The following ATP6V0D2 variants were observed in gnomAD, a reference collection of about 807,000 sequenced individuals.
ATP6V0D2 encodes the protein ATPase H+ transporting V0 subunit d2, also known as V-type proton ATPase subunit d 2.
Under a neutral mutation model 40.0 loss-of-function variants are expected in ATP6V0D2, and 40 were observed. The observed-to-expected ratio is 1.00, with a 90% CI of 0.78 to 1.30. The LOEUF (loss-of-function observed/expected upper bound fraction) is 1.30. ATP6V0D2 is among the 50% of genes most tolerant of loss of function. The pLI is 0.00. For missense variants in ATP6V0D2, 470 were observed against 423.1 expected (o/e 1.11, Z -0.97); for synonymous variants, 179 against 156.3 (o/e 1.15, Z -1.08).
At chr8:86,125,395 TC>T (rs1198170176) in intron 2 of ATP6V0D2, among the ~76,000 whole-genome samples, 1 of 152,188 alleles carries the variant, frequency 6.6e-6, no homozygotes, top group African/African-American at 2.4e-5. Flanking sequence ...GAGACTGAAA[TC>T]CACACTTATC....
chr8:86,135,098 G>A, intron 2 of ATP6V0D2, among the ~76,000 whole-genome samples: 1 of 152,178 alleles, frequency 6.6e-6, no homozygotes, highest in African/African-American at 2.4e-5. Context: ...ACTGAACTGT[G>A]TTTTTCTTAG....
intron 2 of ATP6V0D2, among the ~76,000 whole-genome samples, chr8:86,131,332 TG>T (rs1329845523): frequency 6.6e-6 from 1 of 152,042 alleles, no homozygotes; most frequent in Non-Finnish European, 1.5e-5. Context: ...CCCCAGTAGC[TG>T]GGCCTACAGG....
chr8:86,129,572 G>A (rs939912149), intron 2 of ATP6V0D2, among the ~76,000 whole-genome samples: 1 of 152,122 alleles, frequency 6.6e-6, no homozygotes, highest in Non-Finnish European at 1.5e-5. Flanking sequence ...TGCACTTTGG[G>A]AGGCCGAGGC....
rs147330492 is a variant in ATP6V0D2 at position 86,125,757 on chromosome 8, C to A, written c.302+11877C>A. Among the ~76,000 whole-genome samples the A allele has an allele frequency of 3.3e-5, 5 of 152,024 alleles. No homozygotes were observed. The East Asian group carries it at 9.7e-4, about 29-fold the overall frequency. ...ATATGTGCATGTGTTTATATTTAAA[C>A]ACAAATATAAATATGCATAGTTGGG... On this transcript the variant is annotated intron_variant, in intron 2 of 7. Coordinates refer to ENST00000285393, the MANE Select transcript of ATP6V0D2 (RefSeq NM_152565.1).
intron 5 of ATP6V0D2, among the ~76,000 whole-genome samples, chr8:86,149,097 G>T (rs1819110398): frequency 1.4e-5 from 2 of 142,580 alleles, no homozygotes; most frequent in Admixed American, 1.4e-4. Flanking sequence ...GAAAGACATG[G>T]TTCTTCAAAG....
intron 3 of ATP6V0D2, among the ~76,000 whole-genome samples, chr8:86,141,043 G>T (rs1359969443): frequency 6.6e-6 from 1 of 152,090 alleles, no homozygotes; most frequent in Non-Finnish European, 1.5e-5. Context: ...TCATAATAGG[G>T]TTTGCTCTCC....
At chr8:86,148,429 G>A (rs73691704) in intron 5 of ATP6V0D2, among the ~76,000 whole-genome samples, 2,311 of 152,226 alleles carry the variant, frequency 0.015, 74 homozygotes, top group African/African-American at 0.052. Flanking sequence ...TCTTACATAG[G>A]ATTTCCAGTG....
chr8:86,144,689 G>A (rs1486199146), intron 5 of ATP6V0D2, among the ~76,000 whole-genome samples: 1 of 151,914 alleles, frequency 6.6e-6, no homozygotes, highest in Non-Finnish European at 1.5e-5. Flanking sequence ...TTTGAGACAG[G>A]GTCTCACTCT....
At chr8:86,131,556 A>G (rs1479576566) in intron 2 of ATP6V0D2, among the ~76,000 whole-genome samples, 2 of 151,932 alleles carry the variant, frequency 1.3e-5, no homozygotes, top group Non-Finnish European at 2.9e-5. Flanking sequence ...GCTGGAGTGC[A>G]GTGATGCGAT....
At chr8:86,103,529 G>A (rs1318109915) in intron 1 of ATP6V0D2, among the ~76,000 whole-genome samples, 1 of 152,018 alleles carries the variant, frequency 6.6e-6, no homozygotes, top group African/African-American at 2.4e-5. Context: ...AGGGGCTTGA[G>A]CTTCAGAGCT....
Position 86,113,691 on chromosome 8 carries a change from G to A in ATP6V0D2, c.131-18G>A. The A allele has an allele frequency of 2.5e-6, 4 of 1,577,336 alleles. No individual in the cohort carries two copies. The highest frequency in any genetic ancestry group is 1.2e-5 in the South Asian group (1 of 85,020). On this transcript the variant is annotated intron_variant, in intron 1 of 7. Coordinates refer to ENST00000285393, the MANE Select transcript of ATP6V0D2 (RefSeq NM_152565.1). ...ATGTTCAAAATTTAACCTGAATTGG[G>A]GTTTCATTTAATTTCAGACCTGAAA...
At chr8:86,147,373 T>A (rs1819085341) in intron 5 of ATP6V0D2, among the ~76,000 whole-genome samples, 1 of 152,000 alleles carries the variant, frequency 6.6e-6, no homozygotes, top group Non-Finnish European at 1.5e-5. Context: ...AAAAATAAGG[T>A]CTAGTTTTAA....
intron 2 of ATP6V0D2, among the ~76,000 whole-genome samples, chr8:86,131,516 T>A (rs1818825354): frequency 6.7e-6 from 1 of 150,308 alleles, no homozygotes; most frequent in Non-Finnish European, 1.5e-5. Context: ...TTTATTTATT[T>A]TTGAGATGGA....
intron 2 of ATP6V0D2, 112 bp from the exon 3 acceptor site, chr8:86,139,345 G>T: frequency 1.2e-6 from 1 of 822,652 alleles, no homozygotes; most frequent in Non-Finnish European, 1.8e-6. Flanking sequence ...AGAGACTCAT[G>T]TATTTTCTGA....
chr8:86,117,800 C>A (rs1360483496), intron 2 of ATP6V0D2, among the ~76,000 whole-genome samples: 1 of 152,060 alleles, frequency 6.6e-6, no homozygotes, highest in African/African-American at 2.4e-5. Context: ...GCATCCGGGT[C>A]TGAAACATGT....
intron 2 of ATP6V0D2, among the ~76,000 whole-genome samples, chr8:86,138,076 C>T (rs772357198): frequency 1.3e-5 from 2 of 152,130 alleles, no homozygotes; most frequent in South Asian, 2.1e-4. Context: ...TCTTGTCTTT[C>T]GGGGCCCAAC....
intron 2 of ATP6V0D2, among the ~76,000 whole-genome samples, chr8:86,133,247 T>C (rs2626324): frequency 0.85 from 128,293 of 150,828 alleles, 54,637 homozygotes; most frequent in Middle Eastern, 0.88. Context: ...CATACAAAAA[T>C]GCCCCCAAGG....
At chr8:86,101,594 A>T (rs994354208) in intron 1 of ATP6V0D2, among the ~76,000 whole-genome samples, 2 of 152,098 alleles carry the variant, frequency 1.3e-5, no homozygotes, top group African/African-American at 2.4e-5. Flanking sequence ...GGGGATAGAT[A>T]GAAGGAGGAA....
At chr8:86,123,826 A>C (rs1458479700) in intron 2 of ATP6V0D2, among the ~76,000 whole-genome samples, 1 of 152,160 alleles carries the variant, frequency 6.6e-6, no homozygotes, top group Non-Finnish European at 1.5e-5. Flanking sequence ...TTTTCTATAC[A>C]TTTTTAAAGA....
Sources: allele counts gnomAD v4.1 joint callset (sites outside exome capture counted in the v4.1 genomes callset), GRCh38; gene constraint gnomAD v4.1.1; transcripts MANE v1.5; gene names NCBI Gene and HGNC (gene_info 2026-07-23, HGNC 2026-07-21).